The following RBFOX1 variants were observed in gnomAD, a reference collection of about 807,000 sequenced individuals.
RBFOX1 encodes the protein RNA binding protein fox-1 homolog 1.
In RBFOX1, 8 loss-of-function variants were observed where a neutral mutation model predicts 57.7. The ratio of observed to expected loss-of-function variants is 0.14; its 90% CI spans 0.08 to 0.25. The LOEUF is 0.25. Ranked by LOEUF, RBFOX1 falls within the 10% of genes least tolerant of loss-of-function variation. The pLI is 1.00. For missense variants in RBFOX1, 611 were observed against 548.5 expected (o/e 1.11, Z -1.14); for synonymous variants, 326 against 222.4 (o/e 1.47, Z -4.15).
intron 2 of RBFOX1, among the ~76,000 whole-genome samples, chr16:6,477,597 T>C (rs1486774387): frequency 1.3e-5 from 2 of 152,218 alleles, no homozygotes; most frequent in Non-Finnish European, 2.9e-5. Context: ...TTTAGAGTTA[T>C]TCTTAAGGGC....
intron 6 of RBFOX1, among the ~76,000 whole-genome samples, chr16:7,580,268 ATCGAGTCCTC>A (rs2093651191): frequency 6.6e-6 from 1 of 152,160 alleles, no homozygotes; most frequent in African/African-American, 2.4e-5. Flanking sequence ...AAAAATACAC[ATCGAGTCCTC>A]TTGGTTTTGC....
intron 3 of RBFOX1, among the ~76,000 whole-genome samples, chr16:6,804,674 C>A (rs1210656984): frequency 6.6e-6 from 1 of 152,150 alleles, no homozygotes; most frequent in Non-Finnish European, 1.5e-5. Context: ...AGCCAACTTT[C>A]TAAAGAATAA....
intron 2 of RBFOX1, among the ~76,000 whole-genome samples, chr16:6,531,311 G>T (rs1370422341): frequency 1.3e-5 from 2 of 152,156 alleles, no homozygotes; most frequent in Non-Finnish European, 2.9e-5. Context: ...GGAGCCTCTG[G>T]TATTTGCAGG....
chr16:6,543,072 A>T (rs1266241686), intron 2 of RBFOX1, among the ~76,000 whole-genome samples: 2 of 152,098 alleles, frequency 1.3e-5, no homozygotes. Context: ...ATTTTGATCA[A>T]TAGTTTTGTT....
In RBFOX1 at chr16:6,636,790, A is replaced by AATATATATT. The variant is rs1158782254; in HGVS notation, c.-63-17807_-63-17806insATTATATAT. Among the ~76,000 whole-genome samples, 4 of 8,328 alleles carry AATATATATT rather than the reference A, an allele frequency of 4.8e-4. No homozygotes were observed. In the Admixed American group the frequency reaches 8.7e-3, roughly 18 times the overall value. 5.5% of individuals were successfully genotyped at this position (8,328 alleles called of 152,430 possible). The stretch of plus-strand genomic sequence containing the variant: ...ATAATATATAATATATATAATATAT[A>AATATATATT]ATATATGTTATATATAATATATAAT... On this transcript the variant is annotated intron_variant, in intron 2 of 15. Transcript: ENST00000550418.
chr16:5,969,981 A>G (rs2059931357), intron 4 of RBFOX1, among the ~76,000 whole-genome samples: 1 of 152,078 alleles, frequency 6.6e-6, no homozygotes, highest in Admixed American at 6.5e-5. Flanking sequence ...CACTGGGGAT[A>G]CGTTGTGTTC....
At chr16:7,013,368 A>T (rs2093744134) in intron 3 of RBFOX1, among the ~76,000 whole-genome samples, 1 of 152,192 alleles carries the variant, frequency 6.6e-6, no homozygotes, top group Admixed American at 6.5e-5. Context: ...TCTCACTTGA[A>T]GGAAAAATTG....
At chr16:7,065,406 A>T (rs898988907) in intron 4 of RBFOX1, among the ~76,000 whole-genome samples, 1 of 151,688 alleles carries the variant, frequency 6.6e-6, no homozygotes, top group Admixed American at 6.6e-5. Flanking sequence ...ATCTCCAAGC[A>T]CCCTGCCTCG....
intron 1 of RBFOX1, among the ~76,000 whole-genome samples, chr16:5,254,044 C>A (rs1453310561): frequency 6.6e-6 from 1 of 152,238 alleles, no homozygotes; most frequent in Non-Finnish European, 1.5e-5. Flanking sequence ...CCCTTCAAGA[C>A]TGTGGTCACT....
At chr16:7,482,879 C>G (rs763817499) in intron 4 of RBFOX1, among the ~76,000 whole-genome samples, 3 of 152,122 alleles carry the variant, frequency 2.0e-5, no homozygotes, top group East Asian at 3.9e-4. Flanking sequence ...GTTGCAGAAG[C>G]AAAGACTGAG....
At chr16:6,302,876 T>C (rs1047992957) in intron 1 of RBFOX1, among the ~76,000 whole-genome samples, 15 of 152,002 alleles carry the variant, frequency 9.9e-5, no homozygotes, top group Non-Finnish European at 1.8e-4. Flanking sequence ...TAAGGGAGGG[T>C]TTTTAGGTAT....
At chr16:6,186,776 A>G (rs995379349) in intron 1 of RBFOX1, among the ~76,000 whole-genome samples, 2 of 152,162 alleles carry the variant, frequency 1.3e-5, no homozygotes, top group African/African-American at 2.4e-5. Context: ...ATTGGTGCCA[A>G]TGGGGAGTGA....
intron 1 of RBFOX1, among the ~76,000 whole-genome samples, chr16:5,272,974 T>C (rs1449260821): frequency 1.3e-5 from 2 of 152,216 alleles, no homozygotes; most frequent in East Asian, 3.8e-4. Flanking sequence ...TTTTTCCCTA[T>C]AAAATCTATT....
chr16:7,102,742 A>G (rs2151390811), intron 4 of RBFOX1, among the ~76,000 whole-genome samples: 1 of 152,346 alleles, frequency 6.6e-6, no homozygotes, highest in Middle Eastern at 3.4e-3. Context: ...TTGGAGACTT[A>G]ACATTAACCT....
At chr16:7,162,488 G>A (rs921753735) in intron 4 of RBFOX1, among the ~76,000 whole-genome samples, 12 of 151,242 alleles carry the variant, frequency 7.9e-5, no homozygotes, top group Non-Finnish European at 8.8e-5. Flanking sequence ...CCAGCACTTT[G>A]AGAGGTTGAG....
At chr16:7,215,747 C>T (rs547120810) in intron 4 of RBFOX1, among the ~76,000 whole-genome samples, 25 of 115,528 alleles carry the variant, frequency 2.2e-4, no homozygotes, top group Admixed American at 7.7e-4. Context: ...TTTTTTGAGA[C>T]GGAGTCTTGC....
intron 1 of RBFOX1, among the ~76,000 whole-genome samples, chr16:5,398,963 C>T (rs1408828396): frequency 2.0e-5 from 3 of 152,226 alleles, no homozygotes; most frequent in Admixed American, 2.0e-4. Flanking sequence ...TTGCACTCTG[C>T]TCTCCAGTCC....
At chr16:5,377,485 G>C (rs1194319447) in intron 1 of RBFOX1, among the ~76,000 whole-genome samples, 1 of 150,684 alleles carries the variant, frequency 6.6e-6, no homozygotes, top group African/African-American at 2.5e-5. Flanking sequence ...TGGTGAGGAG[G>C]AGGAGTAAGT....
At chr16:6,418,821 G>A (rs1012639627) in intron 2 of RBFOX1, among the ~76,000 whole-genome samples, 1 of 152,114 alleles carries the variant, frequency 6.6e-6, no homozygotes, top group African/African-American at 2.4e-5. Context: ...GAGCCACCAC[G>A]TCTGGCCCTT....
Sources: allele counts gnomAD v4.1 joint callset (sites outside exome capture counted in the v4.1 genomes callset), GRCh38; gene constraint gnomAD v4.1.1; transcripts MANE v1.5; gene names NCBI Gene and HGNC (gene_info 2026-07-23, HGNC 2026-07-21).